Variants in CPN2 observed in about 807,000 individuals in gnomAD.
CPN2 encodes carboxypeptidase N 83 kDa chain.
For synonymous variants in CPN2, 336 were observed against 318.4 expected (o/e 1.06, Z -0.59); for missense variants, 620 against 671.4 (o/e 0.92, Z 0.85).
rs1713094196 is a variant in CPN2, at chr3:194,347,638, ACCC to A, written c.-4+3601_-4+3603del. Among the ~76,000 whole-genome samples, 40 of 111,062 alleles carry A rather than the reference ACCC, an allele frequency of 3.6e-4. 2 individuals are homozygous for A. The South Asian group carries it at 9.1e-3, about 25-fold the overall frequency. 72.9% of individuals were successfully genotyped at this position (111,062 alleles called of 152,430 possible). ...GCTCCTGCCTTGGCCAGCCCACCCCACCCTCTGCCCAGTTCAGCCCACCCCATC... is the reference window on the plus strand; with the variant it reads ...GCTCCTGCCTTGGCCAGCCCACCCCATCTGCCCAGTTCAGCCCACCCCATC... On this transcript the variant is annotated intron_variant, in intron 1 of 1. Transcript: ENST00000323830.
At position 194,342,059 on chromosome 3, in the gene CPN2, T is replaced by A; in HGVS notation, c.644A>T (p.Lys215Ile). The stretch of plus-strand genomic sequence containing the variant: ...GAAGAGCTCCTGCAGGCTGCCCAGT[T>A]TGCCAAACACACCCTGGGGGAGACC... Reference protein sequence around the residue: ...LSGLPQGVFGKLGSLQELFLD... With the variant: ...LSGLPQGVFGILGSLQELFLD... The change falls in exon 2 of 2, where the codon AAA becomes ATA. Residue 215 changes from lysine (K) to isoleucine (I), a missense_variant. Physicochemically the swap from Lys to Ile is moderately radical, Grantham distance 102 (BLOSUM62 -3). Coordinates refer to ENST00000323830, the MANE Select transcript of CPN2 (RefSeq NM_001080513.4). The A allele has an allele frequency of 6.2e-7, 1 of 1,614,098 alleles. No homozygotes were observed.
At position 194,342,442 on chromosome 3, in the gene CPN2, C is replaced by T. The variant is rs529271067; in HGVS notation, c.261G>A (p.Gln87=). 6.2e-7 allele frequency: 1 copy of T among 1,614,264 alleles called. No homozygotes were observed. The highest frequency in any genetic ancestry group is 2.2e-5 in the East Asian group (1 of 44,896). The stretch of plus-strand genomic sequence containing the variant: ...GCCCCCCGAAGGCATCCGGCCTAAA[C>T]TGGCAGAGCTGAGTGTTGAGGAAGA... ...KVVFLNTQLC[Q]FRPDAFGGLP... The change falls in exon 2 of 2, where the codon CAG becomes CAA. Residue 87 remains glutamine, a synonymous_variant. Coordinates refer to ENST00000323830, the MANE Select transcript of CPN2 (RefSeq NM_001080513.4).
rs1183616679 is a variant in CPN2, at chr3:194,340,429, A to G, written c.*636T>C. ...AATAAAACCCATCTGATGAGAATTT[A>G]TGATTTGTAAGGCGCGACTCCCTAG... On this transcript the variant is annotated 3_prime_UTR_variant, in exon 2 of 2. Coordinates refer to ENST00000323830, the MANE Select transcript of CPN2 (RefSeq NM_001080513.4). 6.6e-6 allele frequency: 1 copy of G among 152,244 alleles called. No individual in the cohort carries two copies. The highest frequency in any genetic ancestry group is 1.5e-5 in the Non-Finnish European group (1 of 68,074). The allele number at this position is 152,244 out of a possible 1,614,324, so 9.4% of individuals were successfully genotyped here. A position where few individuals can be genotyped will look rare whatever the true frequency, so the allele number is the denominator to read the frequency against.
In CPN2 at chr3:194,341,851, G is replaced by A. The variant is rs754431425; in HGVS notation, c.852C>T (p.Leu284=). ...WNMLRVLPAG[L]FAHTPCLVGL... ...CAACCAGGCACGGGGTGTGGGCAAAGAGGCCGGCAGGCAGGACCCGAAGCA... is the reference window on the plus strand; with the variant it reads ...CAACCAGGCACGGGGTGTGGGCAAAAAGGCCGGCAGGCAGGACCCGAAGCA... Residue 284 remains leucine, a synonymous_variant, in exon 2 of 2, where the codon CTC becomes CTT. Coordinates refer to ENST00000323830, the MANE Select transcript of CPN2 (RefSeq NM_001080513.4). The A allele has an allele frequency of 5.6e-6, 9 of 1,614,126 alleles. No individual in the cohort carries two copies. In the Admixed American group the frequency reaches 1.3e-4, roughly 24 times the overall value.
rs763398845 is a variant in CPN2 at position 194,341,064 on chromosome 3, A to G, written c.*1T>C. ...TTCCCCAGCTCCTGTATGCGCTGCT[A>G]CTAGGGCCCTGCTGCCCGAGCCTCG... On this transcript the variant is annotated 3_prime_UTR_variant, in exon 2 of 2. Transcript: ENST00000323830. The G allele has an allele frequency of 1.5e-5, 24 of 1,595,358 alleles. No homozygotes were observed. The highest frequency in any genetic ancestry group is 1.8e-5 in the Non-Finnish European group (21 of 1,168,858).
intron 1 of CPN2, among the ~76,000 whole-genome samples, chr3:194,346,293 A>G (rs12487964): frequency 0.72 from 110,051 of 152,178 alleles, 40,532 homozygotes; most frequent in African/African-American, 0.86. Flanking sequence ...TACCCAGAGC[A>G]TGGTTTAAAA....
Position 194,342,196 on chromosome 3 carries a change from G to T in CPN2, c.507C>A (p.Thr169=). ...GGGCCAGGTTGAGTGTCTTCAGATG[G>T]GTCAGAGGCTGGAAGAGCCTCCTGG... ...ALPRRLFQPL[T]HLKTLNLAQN... The change falls in exon 2 of 2, where the codon ACC becomes ACA. Residue 169 remains threonine, a synonymous_variant. Coordinates refer to ENST00000323830, the MANE Select transcript of CPN2 (RefSeq NM_001080513.4). 1 of 1,614,096 alleles carries T rather than the reference G, an allele frequency of 6.2e-7. No individual in the cohort carries two copies. Among genetic ancestry groups the T allele is most frequent in the South Asian group, 1.1e-5 (1 of 91,086 alleles).
At position 194,341,217 on chromosome 3, in the gene CPN2, G is replaced by C. The variant is rs772384548; in HGVS notation, c.1486C>G (p.Gln496Glu). Reference protein sequence around the residue: ...PEGTVVLACDQAQCRWLNVQL... With the variant: ...PEGTVVLACDEAQCRWLNVQL... ...ACGTTCAGCCAGCGACACTGGGCCT[G>C]GTCACAGGCGAGCACCACGGTGCCC... is the stretch of plus-strand genomic sequence containing the variant. The change falls in exon 2 of 2, where the codon CAG (glutamine) becomes GAG (glutamate). Residue 496 changes from glutamine to glutamate, a missense_variant. Gln to Glu is a conservative substitution (Grantham distance 29, BLOSUM62 2). Transcript: ENST00000323830. The C allele has an allele frequency of 6.2e-7, 1 of 1,613,588 alleles. No individual in the cohort carries two copies. Among genetic ancestry groups the C allele is most frequent in the Admixed American group, 1.7e-5 (1 of 60,026 alleles).
intron 1 of CPN2, among the ~76,000 whole-genome samples, chr3:194,349,309 C>T (rs187757494): frequency 2.6e-5 from 4 of 152,108 alleles, no homozygotes; most frequent in Admixed American, 1.3e-4. Context: ...TGCAGTGAGC[C>T]GAGATCGCAC....
At position 194,341,632 on chromosome 3, in the gene CPN2, G is replaced by A; in HGVS notation, c.1071C>T (p.Phe357=). 2 of 1,614,228 alleles carry A rather than the reference G, an allele frequency of 1.2e-6. No homozygotes were observed. The highest frequency in any genetic ancestry group is 1.7e-6 in the Non-Finnish European group (2 of 1,180,044). Residue 357 remains phenylalanine (F), a synonymous_variant, in exon 2 of 2, where the codon TTC becomes TTT. Coordinates refer to ENST00000323830, the MANE Select transcript of CPN2 (RefSeq NM_001080513.4). ...NNLTALHPAL[F]QNLSKLELLS... The stretch of plus-strand genomic sequence containing the variant: ...GCAGCTCCAGCTTGGACAGGTTCTG[G>A]AAGAGGGCTGGGTGCAGCGCCGTAA...
chr3:194,340,150 G>A lies in CPN2; in HGVS notation c.*915C>T, dbSNP rs1482592442. The A allele has an allele frequency of 6.6e-6, 1 of 152,128 alleles. No individual in the cohort carries two copies. The highest frequency in any genetic ancestry group is 1.5e-5 in the Non-Finnish European group (1 of 68,036). The allele number at this position is 152,128 out of a possible 1,614,324, so 9.4% of individuals were successfully genotyped here. On this transcript the variant is annotated 3_prime_UTR_variant, in exon 2 of 2. Coordinates refer to ENST00000323830, the MANE Select transcript of CPN2 (RefSeq NM_001080513.4). ...GCAGACTTCAGAGAGAGAGAGAGCA[G>A]GTTGTAAACTGTTTCTTATCGACTT...
intron 1 of CPN2, among the ~76,000 whole-genome samples, chr3:194,344,489 G>A (rs1712979362): frequency 6.6e-6 from 1 of 152,198 alleles, no homozygotes; most frequent in South Asian, 2.1e-4. Context: ...GAGGTCAGGA[G>A]TTCAAGATTA....
At chr3:194,349,608 G>A (rs900355835) in intron 1 of CPN2, among the ~76,000 whole-genome samples, 2 of 151,866 alleles carry the variant, frequency 1.3e-5, no homozygotes, top group South Asian at 2.1e-4. Flanking sequence ...GCAAAGGCCC[G>A]AGGGAGCTTG....
intron 1 of CPN2, 39 bp from the exon 2 acceptor site, chr3:194,342,744 T>C (rs1190304894): frequency 4.5e-6 from 4 of 886,250 alleles, no homozygotes; most frequent in Non-Finnish European, 7.3e-6. Context: ...AAGAGAAACT[T>C]GATCATCACA....
At chr3:194,348,889 C>CA (rs959512321) in intron 1 of CPN2, among the ~76,000 whole-genome samples, 8 of 151,028 alleles carry the variant, frequency 5.3e-5, no homozygotes, top group Admixed American at 2.0e-4. Flanking sequence ...GACCTTGTCT[C>CA]AAAAAAATAG....
At chr3:194,345,483 T>C (rs1460165380) in intron 1 of CPN2, among the ~76,000 whole-genome samples, 1 of 152,224 alleles carries the variant, frequency 6.6e-6, no homozygotes, top group Non-Finnish European at 1.5e-5. Context: ...TACACCACTG[T>C]GCCCGGCAAA....
chr3:194,345,424 G>T (rs1315959184), intron 1 of CPN2, among the ~76,000 whole-genome samples: 4 of 152,200 alleles, frequency 2.6e-5, no homozygotes, highest in Non-Finnish European at 5.9e-5. Context: ...TCTCCCGGGT[G>T]TAAGTGATCC....
At chr3:194,350,777 GC>G (rs1713237597) in intron 1 of CPN2, among the ~76,000 whole-genome samples, 1 of 151,950 alleles carries the variant, frequency 6.6e-6, no homozygotes, top group South Asian at 2.1e-4. Flanking sequence ...ATCGCTTGAA[GC>G]CAGGAGTTCA....
chr3:194,341,616 G>C lies in CPN2; in HGVS notation c.1087C>G (p.Leu363Val). ...TTCTTGGAGAGGCTGAGCAGCTCCA[G>C]CTTGGACAGGTTCTGGAAGAGGGCT... The part of the protein sequence containing the change: ...HPALFQNLSK[L>V]ELLSLSKNQL... Residue 363 changes from leucine (L) to valine (V), a missense_variant, in exon 2 of 2, where the codon CTG (leucine) becomes GTG (valine). Coordinates refer to ENST00000323830, the MANE Select transcript of CPN2 (RefSeq NM_001080513.4). 1 of 1,614,208 alleles carries C rather than the reference G, an allele frequency of 6.2e-7. No individual in the cohort carries two copies. Among genetic ancestry groups the C allele is most frequent in the Non-Finnish European group, 8.5e-7 (1 of 1,180,038 alleles).
Sources: allele counts gnomAD v4.1 joint callset (sites outside exome capture counted in the v4.1 genomes callset), GRCh38; gene constraint gnomAD v4.1.1; transcripts MANE v1.5; gene names NCBI Gene and HGNC (gene_info 2026-07-23, HGNC 2026-07-21).